The following CCDC85A variants were observed in gnomAD, a reference collection of about 807,000 sequenced individuals.
The protein encoded by CCDC85A is coiled-coil domain-containing protein 85A.
In CCDC85A, 38 loss-of-function variants were observed where a neutral mutation model predicts 50.2. The ratio of observed to expected loss-of-function variants is 0.76; its 90% CI spans 0.58 to 0.99. The LOEUF (loss-of-function observed/expected upper bound fraction) is 0.99, where lower values mean the gene tolerates loss of function less well. Among genes scored for constraint, CCDC85A ranks in the 50% least tolerant of loss-of-function variants. The pLI is 0.00. For synonymous variants in CCDC85A, 366 were observed against 301.4 expected, an observed-to-expected ratio of 1.21 and a Z score of -2.22; for missense variants, 820 against 742.0, an observed-to-expected ratio of 1.11 and a Z score of -1.22.
chr2:56,209,735 G>A (rs1383494359), intron 2 of CCDC85A, among the ~76,000 whole-genome samples: 1 of 152,042 alleles, frequency 6.6e-6, no homozygotes, highest in East Asian at 1.9e-4. Flanking sequence ...GGGAAGGTAA[G>A]ATCAATCATT....
At chr2:56,353,047 A>G (rs1675036346) in intron 3 of CCDC85A, among the ~76,000 whole-genome samples, 1 of 152,230 alleles carries the variant, frequency 6.6e-6, no homozygotes, top group Admixed American at 6.5e-5. Context: ...CCTTAAAACC[A>G]CAACTTTACA....
At chr2:56,221,570 C>A (rs1450836737) in intron 2 of CCDC85A, among the ~76,000 whole-genome samples, 1 of 151,914 alleles carries the variant, frequency 6.6e-6, no homozygotes, top group Non-Finnish European at 1.5e-5. Context: ...TGAAATAATA[C>A]ATAGCTGATG....
intron 2 of CCDC85A, among the ~76,000 whole-genome samples, chr2:56,288,771 T>A (rs934433284): frequency 6.6e-6 from 1 of 151,682 alleles, no homozygotes; most frequent in African/African-American, 2.4e-5. Flanking sequence ...AAATTATACA[T>A]CCTAAGACCA....
intron 2 of CCDC85A, among the ~76,000 whole-genome samples, chr2:56,315,952 A>C (rs989766245): frequency 3.9e-5 from 6 of 152,166 alleles, no homozygotes; most frequent in African/African-American, 1.4e-4. Flanking sequence ...GGAGCAACTA[A>C]TCCCAACTTC....
intron 2 of CCDC85A, among the ~76,000 whole-genome samples, chr2:56,294,204 G>A (rs1206668379): frequency 6.6e-6 from 1 of 152,036 alleles, no homozygotes; most frequent in Admixed American, 6.6e-5. Flanking sequence ...ATCAAACACC[G>A]AATGTTCTCA....
At chr2:56,337,508 C>T (rs546813663) in intron 2 of CCDC85A, among the ~76,000 whole-genome samples, 13 of 152,196 alleles carry the variant, frequency 8.5e-5, no homozygotes, top group East Asian at 3.9e-4. Flanking sequence ...CTTTCTTTTC[C>T]GTCATGTGAT....
intron 2 of CCDC85A, among the ~76,000 whole-genome samples, chr2:56,203,746 T>C (rs1676842456): frequency 6.6e-6 from 1 of 152,218 alleles, no homozygotes; most frequent in African/African-American, 2.4e-5. Context: ...ATCTAAGCTT[T>C]ATTTACAGCT....
rs140503472 is a variant in CCDC85A at position 56,184,599 on chromosome 2, C to T, written c.-26C>T. The T allele has an allele frequency of 2.2e-3, 3,106 of 1,409,150 alleles. 63 individuals carry two copies. In the African/African-American group the frequency reaches 0.043, roughly 20 times the overall value. 87.3% of individuals were successfully genotyped at this position (1,409,150 alleles called of 1,614,324 possible). On this transcript the variant is annotated 5_prime_UTR_variant, in exon 1 of 6. Transcript: ENST00000407595. Reference sequence around the variant, plus strand: ...GGAGTCGCCTCGCCTCTTCCACCCACTTGCACCTGCCACCCCGCGGATACC... The same window carrying T: ...GGAGTCGCCTCGCCTCTTCCACCCATTTGCACCTGCCACCCCGCGGATACC...
chr2:56,323,612 A>C (rs544757746), intron 2 of CCDC85A, among the ~76,000 whole-genome samples: 1 of 152,206 alleles, frequency 6.6e-6, no homozygotes, highest in East Asian at 1.9e-4. Flanking sequence ...TGAGCTTCTG[A>C]AACCTCCCTG....
intron 3 of CCDC85A, among the ~76,000 whole-genome samples, chr2:56,363,648 G>C (rs1675647111): frequency 1.3e-5 from 2 of 152,304 alleles, no homozygotes; most frequent in Admixed American, 6.5e-5. Flanking sequence ...CCTCACAGTG[G>C]AATATTTCTT....
rs775195592 is a variant in CCDC85A, at chr2:56,193,009, G to A, written c.809G>A (p.Arg270His). ...CCCAGAGCCTGTGGAACCCCAGATC[G>A]CCCCAAAGCACTCAAAGGACCTAGC... is the stretch of plus-strand genomic sequence containing the variant. ...QKPRACGTPD[R>H]PKALKGPSPE... is the part of the protein sequence containing the mutation. The change falls in exon 2 of 6, where the codon CGC (arginine) becomes CAC (histidine). Residue 270 changes from arginine (R) to histidine (H), a missense_variant. Arg to His is a conservative substitution (Grantham distance 29). Coordinates refer to ENST00000407595, the MANE Select transcript of CCDC85A (RefSeq NM_001080433.2). The A allele has an allele frequency of 6.2e-6, 10 of 1,613,576 alleles. No homozygotes were observed. Among genetic ancestry groups the A allele is most frequent in the Middle Eastern group, 1.7e-4 (1 of 6,060 alleles).
At chr2:56,249,145 G>A (rs184464058) in intron 2 of CCDC85A, among the ~76,000 whole-genome samples, 22 of 152,308 alleles carry the variant, frequency 1.4e-4, no homozygotes, top group African/African-American at 5.3e-4. Context: ...GGAAGCTAGC[G>A]GTCTGGACAA....
At chr2:56,231,220 T>C (rs1162629306) in intron 2 of CCDC85A, among the ~76,000 whole-genome samples, 1 of 152,202 alleles carries the variant, frequency 6.6e-6, no homozygotes, top group Non-Finnish European at 1.5e-5. Context: ...TTAATTGCTT[T>C]CATGGTAAAA....
intron 2 of CCDC85A, among the ~76,000 whole-genome samples, chr2:56,341,466 G>A (rs537311085): frequency 1.4e-4 from 22 of 152,270 alleles, no homozygotes; most frequent in Admixed American, 5.2e-4. Flanking sequence ...TAACAGAAGT[G>A]TGCTCTGGAG....
At chr2:56,213,075 G>A (rs754357097) in intron 2 of CCDC85A, among the ~76,000 whole-genome samples, 4 of 151,934 alleles carry the variant, frequency 2.6e-5, no homozygotes, top group Non-Finnish European at 4.4e-5. Context: ...CATATGCAAG[G>A]TAATTATTAT....
At chr2:56,209,213 A>G (rs1027649674) in intron 2 of CCDC85A, among the ~76,000 whole-genome samples, 6 of 152,162 alleles carry the variant, frequency 3.9e-5, no homozygotes, top group African/African-American at 1.4e-4. Context: ...TTTCACAGAA[A>G]GTAAATAGAA....
intron 2 of CCDC85A, among the ~76,000 whole-genome samples, chr2:56,331,564 G>A (rs978447400): frequency 6.6e-6 from 1 of 152,154 alleles, no homozygotes; most frequent in Non-Finnish European, 1.5e-5. Flanking sequence ...TTTGCTTTGG[G>A]AAGATTGGGG....
chr2:56,298,698 C>G (rs1197497999), intron 2 of CCDC85A, among the ~76,000 whole-genome samples: 1 of 152,124 alleles, frequency 6.6e-6, no homozygotes, highest in Admixed American at 6.6e-5. Flanking sequence ...GTGATGACAT[C>G]ACTAATCTAG....
intron 2 of CCDC85A, among the ~76,000 whole-genome samples, chr2:56,243,400 TC>T (rs1669353624): frequency 6.6e-6 from 1 of 152,198 alleles, no homozygotes; most frequent in African/African-American, 2.4e-5. Flanking sequence ...CACTCCTTGA[TC>T]AATTCTGCTA....
Sources: allele counts gnomAD v4.1 joint callset (sites outside exome capture counted in the v4.1 genomes callset), GRCh38; gene constraint gnomAD v4.1.1; transcripts MANE v1.5; gene names NCBI Gene and HGNC (gene_info 2026-07-23, HGNC 2026-07-21).